SIPA1L3: variants seen among roughly 807,000 people sequenced by gnomAD.
SIPA1L3 encodes the protein signal-induced proliferation-associated 1-like protein 3.
Under a neutral mutation model 150.1 loss-of-function variants are expected in SIPA1L3, and 59 were observed. The ratio of observed to expected loss-of-function variants is 0.39; its 90% CI spans 0.32 to 0.49. The LOEUF (loss-of-function observed/expected upper bound fraction) is 0.49, where lower values mean the gene tolerates loss of function less well. SIPA1L3 is among the 20% of genes least tolerant of loss of function. The pLI is 0.86. For missense variants in SIPA1L3, 2,211 were observed against 2,489.5 expected (o/e 0.89, Z 2.38); for synonymous variants, 1,070 against 1,077.6 (o/e 0.99, Z 0.14).
intron 1 of SIPA1L3, among the ~76,000 whole-genome samples, chr19:38,003,864 G>A (rs10500278): frequency 0.29 from 44,847 of 152,024 alleles, 7,532 homozygotes; most frequent in East Asian, 0.7. Flanking sequence ...CAACCGGGAA[G>A]TTGAGTCAAA....
intron 20 of SIPA1L3, among the ~76,000 whole-genome samples, chr19:38,202,948 TAAAA>T (rs1358037820): frequency 6.6e-6 from 1 of 152,104 alleles, no homozygotes; most frequent in Non-Finnish European, 1.5e-5. Flanking sequence ...AAAACAAAAT[TAAAA>T]AGAGGCAGAG....
At chr19:37,994,026 C>T (rs1404693050) in intron 1 of SIPA1L3, among the ~76,000 whole-genome samples, 1 of 152,072 alleles carries the variant, frequency 6.6e-6, no homozygotes, top group Non-Finnish European at 1.5e-5. Flanking sequence ...TTCCAAGAAG[C>T]TGGGACTATA....
chr19:38,007,459 AAAAAAAAG>A (rs1206493285), intron 1 of SIPA1L3, among the ~76,000 whole-genome samples: 8 of 142,152 alleles, frequency 5.6e-5, no homozygotes, highest in Admixed American at 3.6e-4. Context: ...CTCAAAAAAA[AAAAAAAAG>A]AAAGAAAAGA....
intron 2 of SIPA1L3, among the ~76,000 whole-genome samples, chr19:38,033,173 G>A (rs778591150): frequency 6.6e-6 from 1 of 152,200 alleles, no homozygotes; most frequent in African/African-American, 2.4e-5. Flanking sequence ...TCTTATCCCT[G>A]AGTATTGCCA....
At chr19:37,966,319 T>C (rs1341061977) in intron 1 of SIPA1L3, among the ~76,000 whole-genome samples, 2 of 152,130 alleles carry the variant, frequency 1.3e-5, no homozygotes, top group Admixed American at 1.3e-4. Context: ...TCCCCTTGCC[T>C]CGGGCTCAGT....
chr19:38,072,172 G>T (rs1168596754), intron 2 of SIPA1L3, among the ~76,000 whole-genome samples: 1 of 152,208 alleles, frequency 6.6e-6, no homozygotes, highest in African/African-American at 2.4e-5. Flanking sequence ...TCATAGCCAT[G>T]TGGCTATGAG....
chr19:37,922,277 G>A (rs542581413), intron 1 of SIPA1L3, among the ~76,000 whole-genome samples: 113 of 151,826 alleles, frequency 7.4e-4, no homozygotes, highest in Non-Finnish European at 1.0e-3. Flanking sequence ...TAGTACAGAC[G>A]GGGTTTCGCC....
chr19:38,088,818 G>A lies in SIPA1L3; in HGVS notation c.1632G>A (p.Gln544=). ...KLEDHKEHGP[Q]YQYRIIFRTR... is the part of the protein sequence containing the mutation. ...AAGACCACAAGGAGCACGGACCTCA[G>A]TACCAGTACAGGATCATCTTCCGGA... Residue 544 remains glutamine, a synonymous_variant, in exon 4 of 22, where the codon CAG becomes CAA. Coordinates refer to ENST00000222345, the MANE Select transcript of SIPA1L3 (RefSeq NM_015073.3). 1 of 1,614,082 alleles carries A rather than the reference G, an allele frequency of 6.2e-7. No individual in the cohort carries two copies.
Position 38,198,545 on chromosome 19 carries a change from C to T in SIPA1L3, c.4984+13C>T, listed in dbSNP as rs376545085. The T allele has an allele frequency of 2.0e-6, 3 of 1,510,432 alleles. No individual in the cohort carries two copies. Among genetic ancestry groups the T allele is most frequent in the Non-Finnish European group, 2.7e-6 (3 of 1,128,586 alleles). The allele number at this position is 1,510,432 out of a possible 1,614,324, so 93.6% of individuals were successfully genotyped here. On this transcript the variant is annotated intron_variant, in intron 19 of 21. Coordinates refer to ENST00000222345, the MANE Select transcript of SIPA1L3 (RefSeq NM_015073.3). Reference sequence around the variant, plus strand: ...AAGGCATACGAAGGTAGGCGCCTTCCACCCAGTCCCGCCAGGCCCCCACCC... The same window carrying T: ...AAGGCATACGAAGGTAGGCGCCTTCTACCCAGTCCCGCCAGGCCCCCACCC...
At chr19:38,127,203 G>A (rs1354195845) in intron 9 of SIPA1L3, among the ~76,000 whole-genome samples, 1 of 152,148 alleles carries the variant, frequency 6.6e-6, no homozygotes, top group South Asian at 2.1e-4. Flanking sequence ...AAAAAAAAGA[G>A]AACCCCAGTC....
chr19:38,039,671 G>A (rs9710594), intron 2 of SIPA1L3, among the ~76,000 whole-genome samples: 13,568 of 144,560 alleles, frequency 0.094, 937 homozygotes, highest in Non-Finnish European at 0.13. Context: ...TCCAGCCTGG[G>A]CAACAGAGCA....
chr19:38,165,368 T>C (rs1447470529), intron 15 of SIPA1L3, among the ~76,000 whole-genome samples: 1 of 152,144 alleles, frequency 6.6e-6, no homozygotes, highest in Non-Finnish European at 1.5e-5. Flanking sequence ...TGCTGTGGCT[T>C]GTGGAGAGCC....
At chr19:38,112,998 A>T (rs1600088754) in intron 8 of SIPA1L3, among the ~76,000 whole-genome samples, 3 of 151,716 alleles carry the variant, frequency 2.0e-5, no homozygotes, top group Admixed American at 2.0e-4. Flanking sequence ...ACCTGAGGTC[A>T]GGAGTTGGAG....
intron 2 of SIPA1L3, among the ~76,000 whole-genome samples, chr19:38,040,089 G>T (rs947383559): frequency 6.6e-6 from 1 of 152,160 alleles, no homozygotes; most frequent in Non-Finnish European, 1.5e-5. Flanking sequence ...CTGCAGCCTG[G>T]GTAGCAGAGG....
Position 38,179,398 on chromosome 19 carries a change from C to T in SIPA1L3, c.4209-3121C>T, listed in dbSNP as rs1372776711. ...CGGAGGTTGCAGTGGGCCAAGGTTG[C>T]ACCACTGCCCTCCAGCCTAAGTGAC... is the stretch of plus-strand genomic sequence containing the variant. On this transcript the variant is annotated intron_variant, in intron 15 of 21. Transcript: ENST00000222345. Among the ~76,000 whole-genome samples, 4 of 152,214 alleles carry T rather than the reference C, an allele frequency of 2.6e-5. No homozygotes were observed. The South Asian group carries it at 8.3e-4, about 32-fold the overall frequency.
chr19:37,950,327 T>A (rs3865514), intron 1 of SIPA1L3, among the ~76,000 whole-genome samples: 70,854 of 151,980 alleles, frequency 0.47, 17,578 homozygotes, highest in Middle Eastern at 0.61. Context: ...ATCATCATCG[T>A]TGTCATCCTT....
intron 9 of SIPA1L3, among the ~76,000 whole-genome samples, chr19:38,123,678 A>C (rs911588412): frequency 6.6e-5 from 10 of 152,138 alleles, no homozygotes; most frequent in Non-Finnish European, 1.0e-4. Context: ...CTACACAGAC[A>C]CGGCAACCAT....
chr19:38,011,540 GC>G (rs1968098051), intron 1 of SIPA1L3, among the ~76,000 whole-genome samples: 1 of 152,264 alleles, frequency 6.6e-6, no homozygotes, highest in African/African-American at 2.4e-5. Flanking sequence ...TGAAGTAGGG[GC>G]CCCCTGATCT....
intron 10 of SIPA1L3, 62 bp downstream of exon 10, chr19:38,130,834 C>A (rs1971292255): frequency 6.5e-7 from 1 of 1,526,900 alleles, no homozygotes; most frequent in African/African-American, 1.4e-5. Flanking sequence ...TGGCATGAGG[C>A]CTCCCTGGCA....
Sources: gnomAD v4.1 joint callset for allele counts (sites outside exome capture counted in the v4.1 genomes callset) on GRCh38, gnomAD v4.1.1 for gene constraint, MANE v1.5 for transcripts, NCBI Gene and HGNC (gene_info 2026-07-23, HGNC 2026-07-21) for gene names.